STYK1: variants seen among roughly 807,000 people sequenced by gnomAD.
The protein encoded by STYK1 is tyrosine-protein kinase STYK1.
A neutral mutation model predicts 48.1 loss-of-function variants in STYK1; 46 were observed. The ratio of observed to expected loss-of-function variants is 0.96; its 90% CI spans 0.75 to 1.22. The LOEUF is 1.22. Among genes scored for constraint, STYK1 ranks in the 50% most tolerant of loss-of-function variants. The probability of loss-of-function intolerance (pLI) is 0.00; values close to 1 mark genes in which losing one functional copy is unlikely to be tolerated. For missense variants in STYK1, 527 were observed against 521.1 expected (o/e 1.01, Z -0.11); for synonymous variants, 188 against 189.0 (o/e 0.99, Z 0.04).
chr12:10,636,616 G>A (rs1253454826), intron 2 of STYK1, among the ~76,000 whole-genome samples: 5 of 152,164 alleles, frequency 3.3e-5, no homozygotes, highest in Non-Finnish European at 7.3e-5. Context: ...AAAATAAAAC[G>A]TTGGATCAGC....
chr12:10,631,565 C>T (rs2054194), intron 4 of STYK1, among the ~76,000 whole-genome samples: 84,190 of 151,552 alleles, frequency 0.56, 24,545 homozygotes, highest in East Asian at 0.79. Flanking sequence ...TGCCTTCCTT[C>T]CTCTGGGTTA....
intron 1 of STYK1, among the ~76,000 whole-genome samples, chr12:10,643,614 T>C (rs1354342677): frequency 6.6e-6 from 1 of 152,190 alleles, no homozygotes; most frequent in Non-Finnish European, 1.5e-5. Flanking sequence ...AGGAGAAGTT[T>C]AGGGTGCTAT....
intron 4 of STYK1, among the ~76,000 whole-genome samples, chr12:10,633,079 A>T (rs555085080): frequency 6.6e-6 from 1 of 152,348 alleles, no homozygotes; most frequent in East Asian, 1.9e-4. Flanking sequence ...AATCCATAAG[A>T]CTAAAAATTA....
Position 10,619,822 on chromosome 12 carries a change from G to A in STYK1, c.*322C>T, listed in dbSNP as rs1049156543. Reference sequence around the variant, plus strand: ...TGTGGTTCCAGAGGAAACTAGCCTCGGACGGGAGGGATGAGCTTATTTGTG... The same window carrying A: ...TGTGGTTCCAGAGGAAACTAGCCTCAGACGGGAGGGATGAGCTTATTTGTG... On this transcript the variant is annotated 3_prime_UTR_variant, in exon 11 of 11. Coordinates refer to ENST00000075503, the MANE Select transcript of STYK1 (RefSeq NM_018423.3). 20 of 412,664 alleles carry A rather than the reference G, an allele frequency of 4.8e-5. No homozygotes were observed. The highest frequency in any genetic ancestry group is 2.7e-4 in the African/African-American group (13 of 49,054). 25.6% of individuals were successfully genotyped at this position (412,664 alleles called of 1,614,324 possible).
At chr12:10,644,103 T>C (rs1488068680) in intron 1 of STYK1, among the ~76,000 whole-genome samples, 1 of 152,234 alleles carries the variant, frequency 6.6e-6, no homozygotes, top group Non-Finnish European at 1.5e-5. Context: ...ACATGCTGTA[T>C]GGTTCCATCC....
chr12:10,633,075 T>C (rs1208736131), intron 4 of STYK1, among the ~76,000 whole-genome samples: 1 of 152,200 alleles, frequency 6.6e-6, no homozygotes, highest in Non-Finnish European at 1.5e-5. Flanking sequence ...TTTGAATCCA[T>C]AAGACTAAAA....
In STYK1 at chr12:10,638,805, A is replaced by G. The variant is rs1419686200; in HGVS notation, c.-194-1609T>C. On this transcript the variant is annotated intron_variant, in intron 1 of 10. Transcript: ENST00000075503. ...CTGCTTATGTGTGATGAAAAATTCC[A>G]TGATTGAACTCAGTATAACATCTGG... Among the ~76,000 whole-genome samples the G allele has an allele frequency of 2.6e-5, 4 of 152,340 alleles. No individual in the cohort carries two copies. The South Asian group carries it at 6.2e-4, about 24-fold the overall frequency.
At chr12:10,641,837 G>A (rs527246153) in intron 1 of STYK1, among the ~76,000 whole-genome samples, 137 of 152,202 alleles carry the variant, frequency 9.0e-4, no homozygotes, top group Non-Finnish European at 1.6e-3. Flanking sequence ...TCCCTAGGGA[G>A]TGGGTCAGCA....
chr12:10,623,057 C>T lies in STYK1; in HGVS notation c.927-379G>A, dbSNP rs182319275. ...CTTTCCATCCCTCTCTGCTGAAATT[C>T]TTGCCTTTATTCTTAGCACAAATTC... On this transcript the variant is annotated intron_variant, in intron 8 of 10. Coordinates refer to ENST00000075503, the MANE Select transcript of STYK1 (RefSeq NM_018423.3). Among the ~76,000 whole-genome samples, 6 of 148,110 alleles carry T rather than the reference C, an allele frequency of 4.1e-5. No individual in the cohort carries two copies. The East Asian group carries it at 1.2e-3, about 29-fold the overall frequency.
intron 1 of STYK1, among the ~76,000 whole-genome samples, chr12:10,670,206 T>A (rs139285245): frequency 1.3e-5 from 2 of 152,336 alleles, no homozygotes; most frequent in African/African-American, 4.8e-5. Flanking sequence ...GAAGGCTCAA[T>A]GTTTTGCCTT....
chr12:10,667,766 T>G (rs1368243649), intron 1 of STYK1, among the ~76,000 whole-genome samples: 1 of 152,180 alleles, frequency 6.6e-6, no homozygotes, highest in Non-Finnish European at 1.5e-5. Flanking sequence ...GAAGCTTGGA[T>G]ACGACTTAGA....
chr12:10,673,066 G>T (rs1423281166), intron 1 of STYK1, among the ~76,000 whole-genome samples: 1 of 152,098 alleles, frequency 6.6e-6, no homozygotes, highest in African/African-American at 2.4e-5. Flanking sequence ...CTCCAATGTG[G>T]AGAGGACCCA....
chr12:10,621,814 A>C (rs1279825248), intron 10 of STYK1, 62 bp downstream of exon 10: 1 of 1,504,918 alleles, frequency 6.6e-7, no homozygotes, highest in African/African-American at 1.4e-5. Context: ...AAAGGGCACG[A>C]TTGATAGAGG....
chr12:10,653,224 C>G (rs1352832499), intron 1 of STYK1, among the ~76,000 whole-genome samples: 1 of 145,934 alleles, frequency 6.9e-6, no homozygotes, highest in Non-Finnish European at 1.5e-5. Context: ...AGGTGCCCAC[C>G]ACCATGCCCA....
intron 2 of STYK1, among the ~76,000 whole-genome samples, chr12:10,635,760 T>C (rs942439390): frequency 1.3e-5 from 2 of 152,222 alleles, no homozygotes; most frequent in Non-Finnish European, 2.9e-5. Context: ...TGTATCACTG[T>C]TAAGTCTATA....
At chr12:10,629,024 T>C (rs1316875753) in intron 6 of STYK1, among the ~76,000 whole-genome samples, 1 of 152,186 alleles carries the variant, frequency 6.6e-6, no homozygotes, top group Non-Finnish European at 1.5e-5. Flanking sequence ...TGTTTTCACA[T>C]ACATAATTTC....
chr12:10,669,790 C>G (rs1352727775), intron 1 of STYK1, among the ~76,000 whole-genome samples: 1 of 151,970 alleles, frequency 6.6e-6, no homozygotes, highest in Non-Finnish European at 1.5e-5. Flanking sequence ...AGGGGGAAAA[C>G]AAATAACTGT....
chr12:10,620,259 T>G lies in STYK1; in HGVS notation c.1154A>C (p.Lys385Thr), dbSNP rs1372508459. The G allele has an allele frequency of 1.9e-6, 3 of 1,614,064 alleles. No individual in the cohort carries two copies. In the African/African-American group the frequency reaches 4.0e-5, roughly 22 times the overall value. The change falls in exon 11 of 11, where the codon AAA becomes ACA. Residue 385 changes from lysine (K) to threonine (T), a missense_variant. Physicochemically the swap from Lys to Thr is moderately conservative, Grantham distance 78. Coordinates refer to ENST00000075503, the MANE Select transcript of STYK1 (RefSeq NM_018423.3). ...ELRLRLEAAI[K>T]TADDEAVLQV... ...TAACACAGCCTCGTCATCTGCAGTTTTAATGGCAGCTTCTAGGCGCAAGCG... is the reference window on the plus strand; with the variant it reads ...TAACACAGCCTCGTCATCTGCAGTTGTAATGGCAGCTTCTAGGCGCAAGCG...
chr12:10,631,438 A>C, intron 4 of STYK1, 130 bp from the exon 5 acceptor site: 1 of 1,120,238 alleles, frequency 8.9e-7, no homozygotes, highest in Non-Finnish European at 1.3e-6. Flanking sequence ...TTGTCTTCTG[A>C]TGCTTCTCTA....
Sources: gnomAD v4.1 joint callset for allele counts (sites outside exome capture counted in the v4.1 genomes callset) on GRCh38, gnomAD v4.1.1 for gene constraint, MANE v1.5 for transcripts, NCBI Gene and HGNC (gene_info 2026-07-23, HGNC 2026-07-21) for gene names.